FRMD4A: variants seen among roughly 807,000 people sequenced by gnomAD.
The protein encoded by FRMD4A is FERM domain containing 4A.
Under a neutral mutation model 129.1 loss-of-function variants are expected in FRMD4A, and 29 were observed. The ratio of observed to expected loss-of-function variants is 0.22; its 90% confidence interval spans 0.17 to 0.31. The LOEUF (loss-of-function observed/expected upper bound fraction) is 0.31. Among genes scored for constraint, FRMD4A ranks in the 10% least tolerant of loss-of-function variants. FRMD4A has a pLI of 1.00. For synonymous variants in FRMD4A, 634 were observed against 571.6 expected (o/e 1.11, Z -1.56); for missense variants, 1,272 against 1,375.8 (o/e 0.92, Z 1.19).
chr10:14,167,358 C>A (rs1222978067), intron 2 of FRMD4A, among the ~76,000 whole-genome samples: 6 of 151,504 alleles, frequency 4.0e-5, no homozygotes, highest in Non-Finnish European at 5.9e-5. Flanking sequence ...ATGGGGAAAC[C>A]CTGTCTCTAC....
At chr10:13,696,394 G>C (rs1247852178) in intron 14 of FRMD4A, among the ~76,000 whole-genome samples, 3 of 152,134 alleles carry the variant, frequency 2.0e-5, no homozygotes, top group Non-Finnish European at 4.4e-5. Context: ...AATAACTCAC[G>C]AAGGCCTAGA....
intron 2 of FRMD4A, among the ~76,000 whole-genome samples, chr10:14,079,672 A>C (rs1037298311): frequency 2.0e-5 from 3 of 152,202 alleles, no homozygotes; most frequent in African/African-American, 7.2e-5. Flanking sequence ...TCAAACACCC[A>C]CGACACTTAG....
chr10:13,757,856 G>A (rs1426942630), intron 8 of FRMD4A, among the ~76,000 whole-genome samples: 1 of 152,180 alleles, frequency 6.6e-6, no homozygotes, highest in African/African-American at 2.4e-5. Context: ...CAATTCTCCT[G>A]CCTCAGCCTC....
chr10:13,834,297 A>C (rs1468168173), intron 3 of FRMD4A, among the ~76,000 whole-genome samples: 2 of 151,932 alleles, frequency 1.3e-5, no homozygotes, highest in African/African-American at 2.4e-5. Context: ...CAAAACAAAA[A>C]CCACCACCAA....
At chr10:14,044,400 T>C (rs1833903083) in intron 2 of FRMD4A, among the ~76,000 whole-genome samples, 1 of 152,230 alleles carries the variant, frequency 6.6e-6, no homozygotes, top group South Asian at 2.1e-4. Flanking sequence ...CCTATGAATG[T>C]GACCTTATTT....
chr10:13,951,890 A>T (rs867252587), intron 2 of FRMD4A, among the ~76,000 whole-genome samples: 1 of 127,654 alleles, frequency 7.8e-6, no homozygotes, highest in Non-Finnish European at 1.7e-5. Context: ...ACTCTGTCTC[A>T]AATAATAATA....
intron 8 of FRMD4A, among the ~76,000 whole-genome samples, chr10:13,757,251 T>G (rs1211568179): frequency 1.3e-5 from 2 of 152,256 alleles, no homozygotes. Context: ...ACTGACTTCC[T>G]GATTGTCGAC....
chr10:13,873,700 C>T (rs1242465341), intron 2 of FRMD4A, among the ~76,000 whole-genome samples: 1 of 152,014 alleles, frequency 6.6e-6, no homozygotes, highest in Non-Finnish European at 1.5e-5. Flanking sequence ...GCACCAGCCA[C>T]CATGCCCCAC....
intron 9 of FRMD4A, among the ~76,000 whole-genome samples, chr10:13,745,356 A>G (rs182002217): frequency 6.6e-6 from 1 of 152,194 alleles, no homozygotes; most frequent in African/African-American, 2.4e-5. Flanking sequence ...TGACTTTTAT[A>G]CATCGTCTGG....
At chr10:14,207,973 AG>A (rs1169710779) in intron 2 of FRMD4A, among the ~76,000 whole-genome samples, 1 of 152,082 alleles carries the variant, frequency 6.6e-6, no homozygotes, top group Non-Finnish European at 1.5e-5. Context: ...GGCTGAGGCC[AG>A]GGGATCGCTT....
chr10:14,234,986 C>T (rs779463358), intron 2 of FRMD4A, among the ~76,000 whole-genome samples: 9 of 152,178 alleles, frequency 5.9e-5, no homozygotes, highest in Non-Finnish European at 1.3e-4. Flanking sequence ...TTTTGTAGTG[C>T]TCGTTCCTTT....
intron 2 of FRMD4A, among the ~76,000 whole-genome samples, chr10:14,263,226 G>T (rs1844863897): frequency 6.6e-6 from 1 of 152,164 alleles, no homozygotes; most frequent in Non-Finnish European, 1.5e-5. Flanking sequence ...GGCCCAGCTT[G>T]GTTCCCTCCC....
chr10:14,170,465 A>G (rs377545583), intron 2 of FRMD4A, among the ~76,000 whole-genome samples: 1 of 152,190 alleles, frequency 6.6e-6, no homozygotes, highest in Non-Finnish European at 1.5e-5. Context: ...ATGTTCCTCG[A>G]AAAAAGTATC....
In FRMD4A at chr10:14,139,389, T is replaced by C. The variant is rs563108803; in HGVS notation, c.45+190669A>G. 2.0e-5 allele frequency among the ~76,000 whole-genome samples: 3 copies of C among 152,338 alleles called. No individual in the cohort carries two copies. The South Asian group carries it at 6.2e-4, about 32-fold the overall frequency. ...GCAACCTTATGTCCTTATGTCCTTA[T>C]CTATATTGAACATAGAAGTTAATAA... On this transcript the variant is annotated intron_variant, in intron 2 of 24. Transcript: ENST00000357447.
chr10:14,042,106 C>T (rs1833800581), intron 2 of FRMD4A, among the ~76,000 whole-genome samples: 1 of 152,208 alleles, frequency 6.6e-6, no homozygotes, highest in South Asian at 2.1e-4. Context: ...AAGACCTGTG[C>T]TAACATTTTT....
intron 9 of FRMD4A, among the ~76,000 whole-genome samples, chr10:13,743,566 C>CA (rs1413307231): frequency 1.3e-5 from 2 of 152,108 alleles, no homozygotes; most frequent in African/African-American, 4.8e-5. Flanking sequence ...GAAAGAAAGT[C>CA]AAAACCACTG....
chr10:14,081,108 G>T (rs1051577904), intron 2 of FRMD4A, among the ~76,000 whole-genome samples: 20 of 152,070 alleles, frequency 1.3e-4, no homozygotes, highest in African/African-American at 3.6e-4. Flanking sequence ...CCTAGTCAGA[G>T]TCCTTTCTAG....
chr10:14,045,692 T>C (rs1003600932), intron 2 of FRMD4A, among the ~76,000 whole-genome samples: 4 of 146,590 alleles, frequency 2.7e-5, no homozygotes, highest in African/African-American at 5.0e-5. Context: ...TTATATATGA[T>C]ATAATTATAT....
intron 2 of FRMD4A, chr10:13,890,583 A>T: frequency 1.0e-6 from 1 of 985,098 alleles, no homozygotes; most frequent in Non-Finnish European, 1.2e-6. Flanking sequence ...GCTCAGACTT[A>T]GAAATGTGCC....
Sources: gnomAD v4.1 joint callset for allele counts (sites outside exome capture counted in the v4.1 genomes callset) on GRCh38, gnomAD v4.1.1 for gene constraint, MANE v1.5 for transcripts, NCBI Gene and HGNC (gene_info 2026-07-23, HGNC 2026-07-21) for gene names.